The following CELA3B variants were observed in gnomAD, a reference collection of about 807,000 sequenced individuals.
CELA3B encodes chymotrypsin-like elastase family member 3B.
A neutral mutation model predicts 37.2 loss-of-function variants in CELA3B; 34 were observed. The ratio of observed to expected loss-of-function variants is 0.91; its 90% confidence interval spans 0.70 to 1.22. CELA3B has a LOEUF of 1.22. Among genes scored for constraint, CELA3B ranks in the 50% most tolerant of loss-of-function variants. The pLI is 0.00. For synonymous variants in CELA3B, 127 were observed against 143.5 expected (o/e 0.89, Z 0.82); for missense variants, 340 against 363.1 (o/e 0.94, Z 0.52).
chr1:21,980,735 G>C, intron 2 of CELA3B, 89 bp from the exon 3 acceptor site: 1 of 922,446 alleles, frequency 1.1e-6, no homozygotes, highest in Non-Finnish European at 1.7e-6. Flanking sequence ...GCCCTCTAGA[G>C]TTGCACAGTG....
intron 7 of CELA3B, chr1:21,988,068 C>T (rs549087156): frequency 4.7e-5 from 7 of 147,930 alleles, no homozygotes; most frequent in South Asian, 2.2e-4. Context: ...AAAAATTAGC[C>T]GGGCGTATTG....
intron 4 of CELA3B, among the ~76,000 whole-genome samples, chr1:21,983,003 T>C (rs1465317482): frequency 6.6e-6 from 1 of 152,156 alleles, no homozygotes; most frequent in Non-Finnish European, 1.5e-5. Context: ...GAGCGGACAA[T>C]TCTGAAGGCC....
downstream of CELA3B, among the ~76,000 whole-genome samples, chr1:21,993,494 A>G: frequency 6.6e-6 from 1 of 151,242 alleles, no homozygotes; most frequent in South Asian, 2.1e-4. Flanking sequence ...AAGAAAAGAA[A>G]AGAAATTGTA....
intron 4 of CELA3B, among the ~76,000 whole-genome samples, chr1:21,983,488 A>G (rs1644817271): frequency 1.3e-5 from 2 of 151,982 alleles, no homozygotes; most frequent in African/African-American, 2.4e-5. Flanking sequence ...GCAGTGAGCT[A>G]TGATTGTGAC....
At chr1:21,997,350 CAA>C (rs34966019) in intron 4 of CELA3B, among the ~76,000 whole-genome samples, 23,851 of 117,278 alleles carry the variant, frequency 0.2, 4,530 homozygotes, top group African/African-American at 0.51. Flanking sequence ...CGACTCATCT[CAA>C]AAAAAAAAAA....
At chr1:21,982,083 G>A (rs1169626166) in intron 4 of CELA3B, among the ~76,000 whole-genome samples, 2 of 152,092 alleles carry the variant, frequency 1.3e-5, no homozygotes, top group African/African-American at 4.8e-5. Context: ...TTTTTCTGGC[G>A]AGAGGGTCAA....
downstream of CELA3B, among the ~76,000 whole-genome samples, chr1:21,993,653 C>T (rs1200982691): frequency 8.1e-5 from 12 of 148,406 alleles, no homozygotes; most frequent in South Asian, 1.7e-3. Context: ...AAGTGATCCT[C>T]GCACCTCAAC....
chr1:21,993,264 C>A (rs1343703923), downstream of CELA3B, among the ~76,000 whole-genome samples: 1 of 151,058 alleles, frequency 6.6e-6, no homozygotes, highest in Admixed American at 6.6e-5. Context: ...AGTTCGAGAC[C>A]AGACTGGCCA....
downstream of CELA3B, among the ~76,000 whole-genome samples, chr1:21,991,656 G>A (rs1339796503): frequency 2.6e-5 from 4 of 151,074 alleles, no homozygotes; most frequent in Non-Finnish European, 4.4e-5. Flanking sequence ...AATTTGGAAA[G>A]GAGATTTTAT....
intron 1 of CELA3B, among the ~76,000 whole-genome samples, 172 bp downstream of exon 1, chr1:21,977,254 A>G (rs1353528424): frequency 6.6e-6 from 1 of 152,076 alleles, no homozygotes; most frequent in Non-Finnish European, 1.5e-5. Flanking sequence ...ATGGAGCAGG[A>G]GAGTGGAGGG....
chr1:21,989,089 T>C (rs899167751), intron 7 of CELA3B, among the ~76,000 whole-genome samples, 173 bp from the exon 8 acceptor site: 1 of 151,886 alleles, frequency 6.6e-6, no homozygotes, highest in Admixed American at 6.6e-5. Flanking sequence ...AACCCCCCCA[T>C]GAGGTAAGTT....
In CELA3B at chr1:21,984,300, G is replaced by C; in HGVS notation, c.611G>C (p.Cys204Ser). The change falls in exon 6 of 8, where the codon TGT (cysteine) becomes TCT (serine). Residue 204 changes from cysteine to serine, a missense_variant. Transcript: ENST00000337107. ...WGSSVKKTMV[C>S]AGGDIRSGCN... The stretch of plus-strand genomic sequence containing the variant: ...TCCTCCGTGAAGAAGACCATGGTGT[G>C]TGCTGGAGGGGACATCCGCTCCGGC... 2 of 1,614,092 alleles carry C rather than the reference G, an allele frequency of 1.2e-6. No individual in the cohort carries two copies. Among genetic ancestry groups the C allele is most frequent in the Non-Finnish European group, 1.7e-6 (2 of 1,180,000 alleles).
intron 7 of CELA3B, among the ~76,000 whole-genome samples, chr1:21,988,590 TAA>T (rs57938649): frequency 0.38 from 39,978 of 104,868 alleles, 2,294 homozygotes; most frequent in African/African-American, 0.48. Context: ...GACTCCATCT[TAA>T]AAAAAAAAAA....
In CELA3B at chr1:21,983,822, G is replaced by T. The variant is rs562385324; in HGVS notation, c.491G>T (p.Arg164Leu). Residue 164 changes from arginine to leucine, a missense_variant, in exon 5 of 8, where the codon CGT becomes CTT. Coordinates refer to ENST00000337107, the MANE Select transcript of CELA3B (RefSeq NM_007352.4). The part of the protein sequence containing the change: ...ETPCYITGWG[R>L]LYTNGPLPDK... ...CCCTGCTACATCACCGGCTGGGGCC[G>T]TCTCTATAGTACGTGCTGACTTCTC... is the stretch of plus-strand genomic sequence containing the variant. 22 of 1,613,830 alleles carry T rather than the reference G, an allele frequency of 1.4e-5. No individual in the cohort carries two copies. The highest frequency in any genetic ancestry group is 1.9e-5 in the Non-Finnish European group (22 of 1,179,974).
Position 21,979,014 on chromosome 1 carries a change from T to A in CELA3B, c.129+560T>A, listed in dbSNP as rs187808968. ...GTGAGATGAGATCGCACCACTGCACTCCAGCCCTGGGCAACAGAGTGAGAC... is the reference window on the plus strand; with the variant it reads ...GTGAGATGAGATCGCACCACTGCACACCAGCCCTGGGCAACAGAGTGAGAC... On this transcript the variant is annotated intron_variant, in intron 2 of 7. Transcript: ENST00000337107. Among the ~76,000 whole-genome samples the A allele has an allele frequency of 7.4e-3, 1,098 of 149,110 alleles. 5 individuals carry two copies. The highest frequency in any genetic ancestry group is 0.011 in the Non-Finnish European group (761 of 67,330).
At chr1:21,983,009 A>C (rs1644814251) in intron 4 of CELA3B, among the ~76,000 whole-genome samples, 1 of 152,182 alleles carries the variant, frequency 6.6e-6, no homozygotes, top group African/African-American at 2.4e-5. Context: ...ACAATTCTGA[A>C]GGCCAAGGGT....
chr1:21,995,498 T>A (rs1644886988), intron 4 of CELA3B, among the ~76,000 whole-genome samples: 1 of 151,016 alleles, frequency 6.6e-6, no homozygotes, highest in Non-Finnish European at 1.5e-5. Flanking sequence ...CACTTGCCTG[T>A]CTCCCAGGAA....
intron 4 of CELA3B, among the ~76,000 whole-genome samples, chr1:21,997,777 T>C (rs1448352714): frequency 6.6e-6 from 1 of 151,510 alleles, no homozygotes; most frequent in East Asian, 1.9e-4. Flanking sequence ...GGCTGGTTTA[T>C]GAGTTACAAC....
chr1:21,978,259 T>G (rs973843419), intron 1 of CELA3B, 110 bp from the exon 2 acceptor site: 1 of 1,150,920 alleles, frequency 8.7e-7, no homozygotes, highest in Non-Finnish European at 1.3e-6. Context: ...CGAAAGGGGC[T>G]TGCATGGGGT....
Sources: allele counts gnomAD v4.1 joint callset (sites outside exome capture counted in the v4.1 genomes callset), GRCh38; gene constraint gnomAD v4.1.1; transcripts MANE v1.5; gene names NCBI Gene and HGNC (gene_info 2026-07-23, HGNC 2026-07-21).